Variants in TAS2R1 observed in about 807,000 individuals in gnomAD.
TAS2R1 encodes the protein taste 2 receptor member 1.
For synonymous variants in TAS2R1, 141 were observed against 134.2 expected, an observed-to-expected ratio of 1.05 and a Z score of -0.35; for missense variants, 370 against 353.4, an observed-to-expected ratio of 1.05 and a Z score of -0.38.
the TAS2R1 span, among the ~76,000 whole-genome samples, chr5:9,782,438 G>C: frequency 1.3e-5 from 2 of 151,526 alleles, no homozygotes; most frequent in South Asian, 4.2e-4. Flanking sequence ...ATTTCCCCTG[G>C]GTGGGCATCC....
At chr5:9,650,333 G>A (rs902270638) in intron 2 of TAS2R1, among the ~76,000 whole-genome samples, 1 of 151,962 alleles carries the variant, frequency 6.6e-6, no homozygotes, top group Non-Finnish European at 1.5e-5. Flanking sequence ...CTGAATGCTG[G>A]GGAAAAAAGG....
intron 1 of TAS2R1, among the ~76,000 whole-genome samples, chr5:9,699,720 G>A (rs936682225): frequency 6.6e-5 from 10 of 152,240 alleles, no homozygotes; most frequent in Non-Finnish European, 1.2e-4. Context: ...CTGACTGTCC[G>A]TCAGCCACCT....
intron 1 of TAS2R1, among the ~76,000 whole-genome samples, chr5:9,687,259 C>T (rs889243124): frequency 6.6e-6 from 1 of 152,172 alleles, no homozygotes; most frequent in South Asian, 2.1e-4. Context: ...CGTGAGCTAC[C>T]GCGCCCAGCT....
At chr5:9,898,341 T>C in the TAS2R1 span, among the ~76,000 whole-genome samples, 1 of 152,154 alleles carries the variant, frequency 6.6e-6, no homozygotes, top group African/African-American at 2.4e-5. Context: ...TCTAATCTTA[T>C]CCTCACAAAG....
At chr5:9,895,298 C>T in the TAS2R1 span, among the ~76,000 whole-genome samples, 2 of 152,116 alleles carry the variant, frequency 1.3e-5, no homozygotes, top group South Asian at 4.1e-4. Flanking sequence ...GAAAGTGGAC[C>T]TGGCTTTGAT....
At chr5:9,716,169 C>T (rs557579351), upstream of TAS2R1, among the ~76,000 whole-genome samples, 90 of 152,252 alleles carry the variant, frequency 5.9e-4, 1 homozygote, top group South Asian at 0.011. Flanking sequence ...CTTCAACCAG[C>T]CTGGTCACTG....
At chr5:9,704,607 C>G (rs1267420933) in intron 1 of TAS2R1, among the ~76,000 whole-genome samples, 1 of 152,100 alleles carries the variant, frequency 6.6e-6, no homozygotes, top group East Asian at 1.9e-4. Flanking sequence ...AAATAATGGA[C>G]AGATGACATG....
the TAS2R1 span, among the ~76,000 whole-genome samples, chr5:9,846,665 C>T: frequency 7.0e-6 from 1 of 143,072 alleles, no homozygotes; most frequent in Non-Finnish European, 1.6e-5. Context: ...TAAACCAATC[C>T]CCAAACACAC....
intron 2 of TAS2R1, among the ~76,000 whole-genome samples, chr5:9,658,179 G>C (rs1740454248): frequency 6.6e-6 from 1 of 152,168 alleles, no homozygotes. Flanking sequence ...CTGACTATTT[G>C]CCAGGTAGTA....
At chr5:9,811,928 C>T in the TAS2R1 span, among the ~76,000 whole-genome samples, 1 of 152,122 alleles carries the variant, frequency 6.6e-6, no homozygotes, top group African/African-American at 2.4e-5. Flanking sequence ...TCAAACATGA[C>T]ACACCCTTTC....
intron 2 of TAS2R1, among the ~76,000 whole-genome samples, chr5:9,651,483 T>A (rs1305687122): frequency 2.0e-5 from 3 of 152,178 alleles, no homozygotes; most frequent in Non-Finnish European, 4.4e-5. Flanking sequence ...CGCTAAATAC[T>A]GATCTGACAA....
At chr5:9,804,923 G>A in the TAS2R1 span, among the ~76,000 whole-genome samples, 1 of 151,514 alleles carries the variant, frequency 6.6e-6, no homozygotes, top group Non-Finnish European at 1.5e-5. Context: ...TGAAACAAAA[G>A]AAAACAATGC....
the TAS2R1 span, among the ~76,000 whole-genome samples, chr5:9,846,412 G>A: frequency 1.3e-5 from 2 of 152,144 alleles, no homozygotes; most frequent in Non-Finnish European, 2.9e-5. Context: ...TGTCCAGTGA[G>A]CCCCAGGTCA....
chr5:9,754,245 A>G, the TAS2R1 span, among the ~76,000 whole-genome samples: 17 of 152,324 alleles, frequency 1.1e-4, no homozygotes, highest in Middle Eastern at 3.4e-3. Context: ...TTAGGTATTG[A>G]TGGGACGTAT....
intron 2 of TAS2R1, among the ~76,000 whole-genome samples, chr5:9,658,162 C>G (rs541845933): frequency 4.6e-5 from 7 of 152,320 alleles, no homozygotes; most frequent in Admixed American, 4.6e-4. Context: ...CTAACACATA[C>G]AGGGTGCTGA....
the TAS2R1 span, chr5:9,867,238 A>G: frequency 7.2e-5 from 11 of 152,194 alleles, no homozygotes; most frequent in African/African-American, 2.7e-4. Context: ...CCTGCTGGGA[A>G]TCTGAAATTG....
intron 1 of TAS2R1, among the ~76,000 whole-genome samples, chr5:9,684,959 C>T (rs921908642): frequency 1.6e-4 from 25 of 152,116 alleles, no homozygotes; most frequent in African/African-American, 5.1e-4. Flanking sequence ...ATCTTCCTCC[C>T]CTGACACCCT....
the TAS2R1 span, among the ~76,000 whole-genome samples, chr5:9,794,702 T>C: frequency 6.6e-6 from 1 of 152,238 alleles, no homozygotes; most frequent in Admixed American, 6.5e-5. Flanking sequence ...TTAACTGTTA[T>C]ATACCTCATA....
the TAS2R1 span, among the ~76,000 whole-genome samples, chr5:9,796,488 CTGTCTGGG>C: frequency 6.6e-6 from 1 of 152,060 alleles, no homozygotes; most frequent in South Asian, 2.1e-4. Context: ...AGGTGAACAA[CTGTCTGGG>C]TTTTAGCACT....
Sources: gnomAD v4.1 joint callset for allele counts (sites outside exome capture counted in the v4.1 genomes callset) on GRCh38, gnomAD v4.1.1 for gene constraint, MANE v1.5 for transcripts, NCBI Gene and HGNC (gene_info 2026-07-23, HGNC 2026-07-21) for gene names.